Variants in DNAH6 observed in about 807,000 individuals in gnomAD.
DNAH6 encodes the protein dynein axonemal heavy chain 6.
In DNAH6, 340 loss-of-function variants were observed where a neutral mutation model predicts 491.4. The ratio of observed to expected loss-of-function variants is 0.69; its 90% confidence interval spans 0.63 to 0.76. DNAH6 has a LOEUF of 0.76. Among genes scored for constraint, DNAH6 ranks in the 30% least tolerant of loss-of-function variants. The pLI is 0.00. For missense variants in DNAH6, 4,443 were observed against 4,972.2 expected, an observed-to-expected ratio of 0.89 and a Z score of 3.20; for synonymous variants, 1,603 against 1,686.1, an observed-to-expected ratio of 0.95 and a Z score of 1.21.
intron 41 of DNAH6, among the ~76,000 whole-genome samples, chr2:84,680,411 G>A (rs1468701602): frequency 6.6e-6 from 1 of 152,140 alleles, no homozygotes; most frequent in African/African-American, 2.4e-5. Flanking sequence ...GTGATGTTAT[G>A]GATGAGAAGA....
At chr2:84,536,524 C>G (rs1677702811) in intron 4 of DNAH6, among the ~76,000 whole-genome samples, 1 of 151,572 alleles carries the variant, frequency 6.6e-6, no homozygotes, top group Admixed American at 6.6e-5. Context: ...GAGAAATCTT[C>G]ACCATTGTTT....
chr2:84,673,580 A>T (rs1448548993), intron 40 of DNAH6, among the ~76,000 whole-genome samples: 1 of 152,240 alleles, frequency 6.6e-6, no homozygotes, highest in Non-Finnish European at 1.5e-5. Flanking sequence ...ATTAACTCAC[A>T]TGATCCCGAC....
chr2:84,807,690 T>C (rs1679553290), intron 71 of DNAH6, among the ~76,000 whole-genome samples: 1 of 152,196 alleles, frequency 6.6e-6, no homozygotes, highest in African/African-American at 2.4e-5. Context: ...CGCTTCATCC[T>C]GCTAGCATTT....
chr2:84,795,178 G>T, intron 68 of DNAH6, among the ~76,000 whole-genome samples: 1 of 102,610 alleles, frequency 9.7e-6, no homozygotes, highest in South Asian at 4.2e-4. Flanking sequence ...GGGGTGGGGG[G>T]AGGGGGGAGG....
intron 14 of DNAH6, among the ~76,000 whole-genome samples, chr2:84,580,316 G>GCGCACACACACACACA: frequency 6.7e-6 from 1 of 149,290 alleles, no homozygotes; most frequent in African/African-American, 2.5e-5. Flanking sequence ...ACATACACAC[G>GCGCACACACACACACA]CACACACACA....
chr2:84,703,615 C>T (rs1462515378), intron 50 of DNAH6, 53 bp downstream of exon 50: 2 of 1,388,230 alleles, frequency 1.4e-6, no homozygotes, highest in Non-Finnish European at 1.9e-6. Flanking sequence ...CAACTGATCA[C>T]TTATATATAA....
the DNAH6 span, among the ~76,000 whole-genome samples, chr2:84,461,345 A>G: frequency 2.0e-5 from 3 of 152,136 alleles, no homozygotes; most frequent in South Asian, 2.1e-4. Flanking sequence ...CTTCCTCCCC[A>G]GTTCATCTAC....
At chr2:84,464,965 C>T in the DNAH6 span, among the ~76,000 whole-genome samples, 119 of 152,146 alleles carry the variant, frequency 7.8e-4, 3 homozygotes, top group East Asian at 0.019. Flanking sequence ...CTGACATTTC[C>T]CCCCTCCCTT....
intron 72 of DNAH6, among the ~76,000 whole-genome samples, chr2:84,809,328 A>G (rs1442772780): frequency 1.3e-5 from 2 of 152,212 alleles, no homozygotes; most frequent in East Asian, 3.8e-4. Flanking sequence ...GAGAACTGGG[A>G]GAGATCTTTT....
upstream of DNAH6, among the ~76,000 whole-genome samples, chr2:84,514,269 A>G (rs1243770728): frequency 2.0e-5 from 3 of 152,206 alleles, no homozygotes; most frequent in Admixed American, 6.5e-5. Context: ...TCAAATTCAT[A>G]TAGAAATTTA....
At chr2:84,719,091 T>C (rs973943162) in intron 59 of DNAH6, among the ~76,000 whole-genome samples, 1 of 152,254 alleles carries the variant, frequency 6.6e-6, no homozygotes, top group African/African-American at 2.4e-5. Context: ...AAAAATCCCC[T>C]TGACTTTATT....
intron 62 of DNAH6, among the ~76,000 whole-genome samples, chr2:84,742,900 C>A (rs546837815): frequency 2.0e-5 from 3 of 152,182 alleles, no homozygotes; most frequent in Admixed American, 2.0e-4. Context: ...TTCTAAGATC[C>A]TAATAGATTT....
the DNAH6 span, among the ~76,000 whole-genome samples, chr2:84,485,941 C>G: frequency 6.6e-6 from 1 of 151,778 alleles, no homozygotes; most frequent in Admixed American, 6.6e-5. Context: ...CCCATGCTTT[C>G]AGAAGCAGAA....
intron 4 of DNAH6, among the ~76,000 whole-genome samples, chr2:84,543,691 T>C (rs921717870): frequency 3.3e-5 from 5 of 152,200 alleles, no homozygotes; most frequent in African/African-American, 9.6e-5. Context: ...AATCATACAG[T>C]TGAAGAATGT....
intron 70 of DNAH6, among the ~76,000 whole-genome samples, chr2:84,801,879 G>GA (rs755464606): frequency 0.014 from 1,676 of 123,930 alleles, 17 homozygotes; most frequent in Non-Finnish European, 0.019. Context: ...GTGAGGCTCT[G>GA]AAAAAAAAAA....
chr2:84,600,636 G>A (rs1217946538), intron 18 of DNAH6, among the ~76,000 whole-genome samples: 2 of 151,982 alleles, frequency 1.3e-5, no homozygotes, highest in East Asian at 3.9e-4. Context: ...AATTACACTG[G>A]AATTATAGAT....
At chr2:84,690,418 T>TC (rs1694732874) in intron 45 of DNAH6, among the ~76,000 whole-genome samples, 1 of 152,196 alleles carries the variant, frequency 6.6e-6, no homozygotes, top group Admixed American at 6.5e-5. Context: ...CCACATGCTA[T>TC]CCCCTAACAA....
At position 84,762,766 on chromosome 2, in the gene DNAH6, T is replaced by C; in HGVS notation, c.10524T>C (p.Ala3508=). 1 of 1,546,162 alleles carries C rather than the reference T, an allele frequency of 6.5e-7. No homozygotes were observed. Among genetic ancestry groups the C allele is most frequent in the Non-Finnish European group, 8.7e-7 (1 of 1,144,968 alleles). ...TTTTCAACTTTCAGGTGGTTTTTGC[T>C]CTTACAGACTTTGTGATAGAAAATC... ...KCCKEEKVVF[A]LTDFVIENLG... Residue 3508 remains alanine (A), a synonymous_variant, in exon 64 of 77, where the codon GCT becomes GCC. Coordinates refer to ENST00000389394, the MANE Select transcript of DNAH6 (RefSeq NM_001370.2).
chr2:84,692,082 G>A (rs918027267), intron 45 of DNAH6, among the ~76,000 whole-genome samples: 3 of 152,174 alleles, frequency 2.0e-5, no homozygotes, highest in Non-Finnish European at 2.9e-5. Flanking sequence ...ATAAGTCCTC[G>A]TAGACTCCCT....
Sources: allele counts gnomAD v4.1 joint callset (sites outside exome capture counted in the v4.1 genomes callset), GRCh38; gene constraint gnomAD v4.1.1; transcripts MANE v1.5; gene names NCBI Gene and HGNC (gene_info 2026-07-23, HGNC 2026-07-21).